LRBA: variants seen among roughly 807,000 people sequenced by gnomAD.
LRBA encodes lipopolysaccharide-responsive and beige-like anchor protein.
LRBA carries 176 observed loss-of-function variants against 330.0 expected under a neutral mutation model. That is an observed-to-expected ratio of 0.53 (90% confidence interval 0.47 to 0.60). The LOEUF (loss-of-function observed/expected upper bound fraction) is 0.60, where lower values mean the gene tolerates loss of function less well. Among genes scored for constraint, LRBA ranks in the 20% least tolerant of loss-of-function variants. LRBA has a pLI of 0.00. For synonymous variants in LRBA, 1,230 were observed against 1,193.0 expected, an observed-to-expected ratio of 1.03 and a Z score of -0.64; for missense variants, 3,259 against 3,444.8, an observed-to-expected ratio of 0.95 and a Z score of 1.35.
intron 28 of LRBA, among the ~76,000 whole-genome samples, chr4:150,837,724 A>T (rs1003645321): frequency 2.6e-5 from 4 of 152,136 alleles, no homozygotes; most frequent in African/African-American, 7.2e-5. Context: ...CAGCACACTG[A>T]TGGGTCTTGA....
At chr4:150,299,918 C>T (rs948891494) in intron 53 of LRBA, among the ~76,000 whole-genome samples, 2 of 152,014 alleles carry the variant, frequency 1.3e-5, no homozygotes, top group African/African-American at 4.8e-5. Context: ...TACATTGTAT[C>T]TAAGAGGTAC....
At chr4:150,870,407 C>T in intron 20 of LRBA, 118 bp downstream of exon 20, 2 of 693,340 alleles carry the variant, frequency 2.9e-6, no homozygotes, top group Non-Finnish European at 5.2e-6. Flanking sequence ...ATATCATCAC[C>T]CTTAATGAAA....
intron 36 of LRBA, among the ~76,000 whole-genome samples, chr4:150,731,677 G>A (rs1224017661): frequency 6.6e-6 from 1 of 152,130 alleles, no homozygotes; most frequent in Non-Finnish European, 1.5e-5. Flanking sequence ...GTAGAAGGAT[G>A]GTTACCAGAG....
intron 37 of LRBA, among the ~76,000 whole-genome samples, chr4:150,623,940 T>C (rs965674546): frequency 3.9e-5 from 6 of 152,152 alleles, no homozygotes; most frequent in Admixed American, 1.3e-4. Flanking sequence ...TGTGCCATGC[T>C]GGTGTGCCAC....
At chr4:150,350,950 T>C (rs11945847) in intron 47 of LRBA, among the ~76,000 whole-genome samples, 51,983 of 152,166 alleles carry the variant, frequency 0.34, 9,148 homozygotes, top group Middle Eastern at 0.4. Flanking sequence ...GTTATGTTGA[T>C]TGAGTTCTTA....
In LRBA at chr4:150,647,493, G is replaced by A. The variant is rs1443057259; in HGVS notation, c.5921+36058C>T. Among the ~76,000 whole-genome samples, 3 of 149,552 alleles carry A rather than the reference G, an allele frequency of 2.0e-5. No homozygotes were observed. In the East Asian group the frequency reaches 5.9e-4, roughly 30 times the overall value. The stretch of plus-strand genomic sequence containing the variant: ...CCTACCTCAGCCTCTGTAGTAGCAG[G>A]GACCACAGGTGCATACCAACACACC... On this transcript the variant is annotated intron_variant, in intron 37 of 56. Transcript: ENST00000651943.
rs752671571 is a variant in LRBA, at chr4:150,848,860, T to C, written c.4297A>G (p.Ser1433Gly). Residue 1433 changes from serine to glycine, a missense_variant, in exon 26 of 57, where the codon AGT becomes GGT. Transcript: ENST00000651943. The part of the protein sequence containing the change: ...LGFTEIEAEK[S>G]MSSGGILRQC... ...CGCAAAATTCCTCCAGATGACATAC[T>C]TTTTTCAGCTTCAATTTCAGTAAAG... 14 of 1,611,884 alleles carry C rather than the reference T, an allele frequency of 8.7e-6. No individual in the cohort carries two copies. In the African/African-American group the frequency reaches 1.6e-4, roughly 18 times the overall value.
chr4:150,338,251 C>G (rs1450832921), intron 48 of LRBA, among the ~76,000 whole-genome samples: 19 of 152,130 alleles, frequency 1.2e-4, no homozygotes, highest in Admixed American at 1.2e-3. Context: ...TATCACGGCT[C>G]TCCCCTCTCC....
At chr4:150,394,777 G>T (rs960406899) in intron 47 of LRBA, among the ~76,000 whole-genome samples, 1 of 152,322 alleles carries the variant, frequency 6.6e-6, no homozygotes, top group Middle Eastern at 3.4e-3. Flanking sequence ...GAATATTTTT[G>T]TGATAATATA....
At chr4:150,462,301 G>C (rs1431253780) in intron 44 of LRBA, among the ~76,000 whole-genome samples, 2 of 151,482 alleles carry the variant, frequency 1.3e-5, no homozygotes, top group African/African-American at 4.8e-5. Context: ...AGCTTTGAAA[G>C]AATAAATTAA....
Position 151,008,086 on chromosome 4 carries a change from T to C in LRBA, c.216+6341A>G, listed in dbSNP as rs540299141. Among the ~76,000 whole-genome samples the C allele has an allele frequency of 5.3e-5, 8 of 152,010 alleles. No individual in the cohort carries two copies. In the East Asian group the frequency reaches 1.5e-3, roughly 29 times the overall value. On this transcript the variant is annotated intron_variant, in intron 2 of 56. Transcript: ENST00000651943. ...AAAATGAGAAGTTTTTTTCTTTTTTTTTTTTCTTTTTGAGACAGAGTTTCA... is the reference window on the plus strand; with the variant it reads ...AAAATGAGAAGTTTTTTTCTTTTTTCTTTTTCTTTTTGAGACAGAGTTTCA...
chr4:150,423,312 T>C, intron 46 of LRBA: 1 of 757,362 alleles, frequency 1.3e-6, no homozygotes, highest in Non-Finnish European at 2.3e-6. Context: ...AATCATCCTC[T>C]CCCTGGGGGA....
intron 42 of LRBA, 42 bp from the exon 43 acceptor site, chr4:150,471,781 A>G (rs761690537): frequency 8.1e-5 from 70 of 866,532 alleles, no homozygotes; most frequent in Non-Finnish European, 1.3e-4. Context: ...TAATTATATC[A>G]CAATAATAAA....
rs528561206 is a variant in LRBA, at chr4:150,732,368, C to T, written c.5754+2890G>A. On this transcript the variant is annotated intron_variant, in intron 36 of 56. Coordinates refer to ENST00000651943, the MANE Select transcript of LRBA (RefSeq NM_001364905.1). ...CAATGTAATTTTTTAATAGCTATGA[C>T]TATACTGCTTTCCCTTAAGACTAAA... Among the ~76,000 whole-genome samples, 23 of 152,078 alleles carry T rather than the reference C, an allele frequency of 1.5e-4. 2 individuals carry two copies. In the South Asian group the frequency reaches 4.8e-3, roughly 32 times the overall value.
At chr4:150,821,901 T>C (rs1560867712) in intron 30 of LRBA, among the ~76,000 whole-genome samples, 1 of 152,192 alleles carries the variant, frequency 6.6e-6, no homozygotes, top group Non-Finnish European at 1.5e-5. Flanking sequence ...TTTATTCATG[T>C]AGCTGTTACT....
At chr4:150,803,602 T>C (rs939458019) in intron 33 of LRBA, among the ~76,000 whole-genome samples, 1 of 152,188 alleles carries the variant, frequency 6.6e-6, no homozygotes, top group African/African-American at 2.4e-5. Context: ...ATGCTTTTTG[T>C]ACAGTATTAT....
intron 17 of LRBA, among the ~76,000 whole-genome samples, chr4:150,878,058 C>G (rs1352280559): frequency 1.3e-5 from 2 of 152,022 alleles, no homozygotes; most frequent in Non-Finnish European, 2.9e-5. Context: ...TTAGGCCAGG[C>G]ACAGTGGCTC....
At chr4:150,977,428 G>A (rs1009503239) in intron 2 of LRBA, among the ~76,000 whole-genome samples, 1 of 152,236 alleles carries the variant, frequency 6.6e-6, no homozygotes, top group East Asian at 1.9e-4. Context: ...TGAAGGGAAT[G>A]ACCCAATCCT....
chr4:150,546,635 T>C (rs1041814098), intron 40 of LRBA, among the ~76,000 whole-genome samples: 2 of 152,200 alleles, frequency 1.3e-5, no homozygotes, highest in South Asian at 2.1e-4. Context: ...GTCTTTAACA[T>C]AGAGACTCAT....
Sources: gnomAD v4.1 joint callset for allele counts (sites outside exome capture counted in the v4.1 genomes callset) on GRCh38, gnomAD v4.1.1 for gene constraint, MANE v1.5 for transcripts, NCBI Gene and HGNC (gene_info 2026-07-23, HGNC 2026-07-21) for gene names.